ABHD18: variants seen among roughly 807,000 people sequenced by gnomAD.
The protein encoded by ABHD18 is abhydrolase domain containing 18, also known as cardiolipin-specific deacylase, mitochondrial.
A neutral mutation model predicts 65.9 loss-of-function variants in ABHD18; 55 were observed. The ratio of observed to expected loss-of-function variants is 0.84; its 90% CI spans 0.67 to 1.05. The LOEUF is 1.05. Ranked by LOEUF, ABHD18 falls within the 50% of genes least tolerant of loss-of-function variation. The pLI, the probability that ABHD18 is intolerant of heterozygous loss-of-function variation, is 0.00. For missense variants in ABHD18, 533 were observed against 558.5 expected, an observed-to-expected ratio of 0.95 and a Z score of 0.46; for synonymous variants, 181 against 180.2, an observed-to-expected ratio of 1.00 and a Z score of -0.04.
At chr4:127,974,188 GTTTTTTTTT>G (rs34967150) in intron 1 of ABHD18, among the ~76,000 whole-genome samples, 13 of 101,488 alleles carry the variant, frequency 1.3e-4, no homozygotes, top group Non-Finnish European at 2.5e-4. Context: ...CTTAAGTTCT[GTTTTTTTTT>G]TTTTTTTTTT....
intron 7 of ABHD18, among the ~76,000 whole-genome samples, chr4:128,013,977 CTTTTTTTTTTTT>C (rs61303818): frequency 1.1e-4 from 13 of 115,122 alleles, no homozygotes. Flanking sequence ...GAATTTCCAC[CTTTTTTTTTTTT>C]TTTTTTTTTT....
intron 12 of ABHD18, among the ~76,000 whole-genome samples, chr4:128,031,840 G>T (rs1268653168): frequency 6.6e-6 from 1 of 152,182 alleles, no homozygotes; most frequent in Admixed American, 6.5e-5. Context: ...TATTCATGCA[G>T]CATTTGAGTC....
chr4:128,003,747 C>T (rs1421418149), intron 4 of ABHD18, among the ~76,000 whole-genome samples: 1 of 151,620 alleles, frequency 6.6e-6, no homozygotes, highest in Non-Finnish European at 1.5e-5. Context: ...ATAAAATTTA[C>T]TTATTTCAGG....
chr4:127,995,297 G>A (rs970272329), intron 4 of ABHD18, among the ~76,000 whole-genome samples: 1 of 152,156 alleles, frequency 6.6e-6, no homozygotes, highest in African/African-American at 2.4e-5. Flanking sequence ...GTGTGTATGT[G>A]TAACAAAAAC....
intron 3 of ABHD18, among the ~76,000 whole-genome samples, 194 bp from the exon 4 acceptor site, chr4:127,989,527 A>T (rs920524767): frequency 6.6e-6 from 1 of 152,204 alleles, no homozygotes; most frequent in African/African-American, 2.4e-5. Context: ...AAAACATCAC[A>T]TGTACCCCAT....
chr4:128,021,034 C>CAAAA (rs398064025), intron 9 of ABHD18, 103 bp from the exon 10 acceptor site: 25 of 448,710 alleles, frequency 5.6e-5, no homozygotes, highest in African/African-American at 1.5e-4. Flanking sequence ...ACTTCGTCTG[C>CAAAA]AAAAAAAAAA....
intron 12 of ABHD18, chr4:128,031,178 G>C: frequency 1.0e-6 from 1 of 983,544 alleles, no homozygotes; most frequent in Non-Finnish European, 1.2e-6. Flanking sequence ...ATGCTGGCTG[G>C]GCGCGGTGGC....
At chr4:127,988,528 G>A (rs953563059) in intron 3 of ABHD18, among the ~76,000 whole-genome samples, 1 of 152,062 alleles carries the variant, frequency 6.6e-6, no homozygotes, top group East Asian at 1.9e-4. Flanking sequence ...CATTGTGCCT[G>A]GCCTGATAAT....
At chr4:127,966,287 G>C (rs1396651866) in intron 1 of ABHD18, among the ~76,000 whole-genome samples, 3 of 152,040 alleles carry the variant, frequency 2.0e-5, no homozygotes, top group African/African-American at 7.2e-5. Context: ...AATTTCATTT[G>C]ATCACAAGTA....
intron 8 of ABHD18, among the ~76,000 whole-genome samples, chr4:128,017,888 C>G (rs1755789561): frequency 6.6e-6 from 1 of 152,170 alleles, no homozygotes; most frequent in South Asian, 2.1e-4. Flanking sequence ...TTAGAGTGTA[C>G]TAAAATGGAT....
intron 10 of ABHD18, 58 bp from the exon 11 acceptor site, chr4:128,028,417 A>G: frequency 2.4e-6 from 3 of 1,259,570 alleles, no homozygotes; most frequent in Non-Finnish European, 3.1e-6. Context: ...TTTTTTGACA[A>G]AGCTGTTAAT....
At chr4:127,979,964 A>AAG in intron 1 of ABHD18, among the ~76,000 whole-genome samples, 1 of 150,036 alleles carries the variant, frequency 6.7e-6, no homozygotes, top group Non-Finnish European at 1.5e-5. Flanking sequence ...AGAAGTGATG[A>AAG]AGAGAAGTTT....
intron 7 of ABHD18, 37 bp downstream of exon 7, chr4:128,011,737 ACCCAATAT>A (rs766057994): frequency 6.7e-7 from 1 of 1,498,548 alleles, no homozygotes; most frequent in South Asian, 1.3e-5. Context: ...CAGTCTTTTT[ACCCAATAT>A]CCAGCAGTAT....
chr4:127,974,201 T>A (rs565622117), intron 1 of ABHD18, among the ~76,000 whole-genome samples: 1 of 144,754 alleles, frequency 6.9e-6, no homozygotes, highest in East Asian at 2.0e-4. Flanking sequence ...TTTTTTTTTT[T>A]TTTTTTTTTT....
At chr4:128,009,721 A>T (rs943469467) in intron 6 of ABHD18, 1 of 153,084 alleles carries the variant, frequency 6.5e-6, no homozygotes, top group Non-Finnish European at 1.5e-5. Context: ...CTAATGACTG[A>T]AAATTAGTTC....
intron 10 of ABHD18, among the ~76,000 whole-genome samples, chr4:128,024,430 C>T (rs1257769452): frequency 2.6e-5 from 4 of 152,020 alleles, no homozygotes; most frequent in Non-Finnish European, 4.4e-5. Context: ...TAAACCATAG[C>T]GGTAGTCTTA....
intron 8 of ABHD18, 73 bp from the exon 9 acceptor site, chr4:128,020,007 T>C (rs1013919478): frequency 3.1e-6 from 3 of 979,676 alleles, no homozygotes; most frequent in Non-Finnish European, 4.6e-6. Flanking sequence ...CACGGAATGC[T>C]TATTAATATT....
At chr4:128,025,989 T>A (rs1757287781) in intron 10 of ABHD18, among the ~76,000 whole-genome samples, 1 of 151,646 alleles carries the variant, frequency 6.6e-6, no homozygotes, top group Non-Finnish European at 1.5e-5. Flanking sequence ...CCCGTCTCTA[T>A]TAAGAATATA....
At chr4:127,987,595 C>T (rs1234714319) in intron 3 of ABHD18, among the ~76,000 whole-genome samples, 3 of 151,552 alleles carry the variant, frequency 2.0e-5, no homozygotes, top group Non-Finnish European at 4.4e-5. Context: ...GCCTGTAGTC[C>T]CAGCTACTCA....
Sources: allele counts gnomAD v4.1 joint callset (sites outside exome capture counted in the v4.1 genomes callset), GRCh38; gene constraint gnomAD v4.1.1; transcripts MANE v1.5; gene names NCBI Gene and HGNC (gene_info 2026-07-23, HGNC 2026-07-21).